Variants in RIC1 observed in about 807,000 individuals in gnomAD.
RIC1 encodes the protein RIC1 partner of RAB6A GEF complex, also known as guanine nucleotide exchange factor subunit RIC1.
A neutral mutation model predicts 169.0 loss-of-function variants in RIC1; 88 were observed. The observed-to-expected ratio is 0.52, with a 90% confidence interval of 0.44 to 0.62. The LOEUF (loss-of-function observed/expected upper bound fraction) is 0.62, where lower values mean the gene tolerates loss of function less well. RIC1 is among the 20% of genes least tolerant of loss of function. The pLI, the probability that RIC1 is intolerant of heterozygous loss-of-function variation, is 0.00. For synonymous variants in RIC1, 790 were observed against 601.5 expected (o/e 1.31, Z -4.59); for missense variants, 1,877 against 1,725.5 (o/e 1.09, Z -1.56).
intron 2 of RIC1, among the ~76,000 whole-genome samples, chr9:5,679,847 G>C (rs1335228194): frequency 6.6e-6 from 1 of 152,226 alleles, no homozygotes; most frequent in East Asian, 1.9e-4. Context: ...TCTCCTGCCT[G>C]ATTGCCCTGG....
At position 5,757,330 on chromosome 9, in the gene RIC1, G is replaced by C. The variant is rs1291636976; in HGVS notation, c.1871G>C (p.Gly624Ala). Residue 624 changes from glycine (G) to alanine (A), a missense_variant, in exon 17 of 26, where the codon GGT (glycine) becomes GCT (alanine). By Grantham distance (60) the Gly-to-Ala change is moderately conservative. Around this residue, in one of 3 missense-constraint regions of RIC1, gnomAD observed 1,104 missense variants for 992.0 expected, o/e 1.11. Coordinates refer to ENST00000414202, the MANE Select transcript of RIC1 (RefSeq NM_020829.4). ...RKSDGPNTTA[G>A]IQVLQEVSMS... is the part of the protein sequence containing the mutation. The stretch of plus-strand genomic sequence containing the variant: ...TTTTACAGTCCAAATACTACTGCTG[G>C]TATTCAAGTTCTTCAGGAGGTTTCC... 1 of 1,614,020 alleles carries C rather than the reference G, an allele frequency of 6.2e-7. No individual in the cohort carries two copies.
intron 6 of RIC1, among the ~76,000 whole-genome samples, chr9:5,731,857 G>C (rs1412769291): frequency 6.6e-6 from 1 of 152,166 alleles, no homozygotes; most frequent in Admixed American, 6.5e-5. Flanking sequence ...AGTGAAAGCA[G>C]TCCTGAGCTG....
At chr9:5,633,374 G>A (rs1817813289) in intron 1 of RIC1, among the ~76,000 whole-genome samples, 1 of 152,086 alleles carries the variant, frequency 6.6e-6, no homozygotes, top group Non-Finnish European at 1.5e-5. Flanking sequence ...AGGGTTCACT[G>A]TTGATGAAAG....
chr9:5,629,308 C>T lies in RIC1; in HGVS notation c.-2C>T, dbSNP rs1817600177. ...GGGGGCGCCGGGGGCTCCGCACGGA[C>T]CATGTATTTTCTGAGCGGCTGGCCC... On this transcript the variant is annotated 5_prime_UTR_variant, in exon 1 of 26. Coordinates refer to ENST00000414202, the MANE Select transcript of RIC1 (RefSeq NM_020829.4). 1.3e-6 allele frequency: 2 copies of T among 1,520,078 alleles called. No individual in the cohort carries two copies. The highest frequency in any genetic ancestry group is 1.8e-6 in the Non-Finnish European group (2 of 1,140,494). The allele number at this position is 1,520,078 out of a possible 1,614,324, so 94.2% of individuals were successfully genotyped here.
At position 5,765,489 on chromosome 9, in the gene RIC1, G is replaced by A. The variant is rs1450328839; in HGVS notation, c.2917G>A (p.Asp973Asn). 3 of 1,614,034 alleles carry A rather than the reference G, an allele frequency of 1.9e-6. No individual in the cohort carries two copies. The highest frequency in any genetic ancestry group is 2.5e-6 in the Non-Finnish European group (3 of 1,180,010). ...CACAGCACTAGAACAAGGCAAGTGG[G>A]ACCTTTGTCGACACATGATTCGATT... Reference protein sequence around the residue: ...FNTALEQGKWDLCRHMIRFLK... With the variant: ...FNTALEQGKWNLCRHMIRFLK... The change falls in exon 20 of 26, where the codon GAC becomes AAC. Residue 973 changes from aspartate (D) to asparagine (N), a missense_variant. Asp to Asn is a conservative substitution (Grantham distance 23). Coordinates refer to ENST00000414202, the MANE Select transcript of RIC1 (RefSeq NM_020829.4).
At chr9:5,636,970 T>G (rs570991575) in intron 1 of RIC1, among the ~76,000 whole-genome samples, 1 of 152,350 alleles carries the variant, frequency 6.6e-6, no homozygotes, top group Admixed American at 6.5e-5. Flanking sequence ...TTAAGGTATT[T>G]GTCATACGTG....
chr9:5,640,979 G>T (rs1818209647), intron 1 of RIC1, among the ~76,000 whole-genome samples: 1 of 151,846 alleles, frequency 6.6e-6, no homozygotes, highest in South Asian at 2.1e-4. Flanking sequence ...CAGAGATATT[G>T]GAGCTCTATT....
At position 5,738,517 on chromosome 9, in the gene RIC1, C is replaced by A. The variant is rs868662103; in HGVS notation, c.880C>A (p.Leu294Ile). The A allele has an allele frequency of 1.3e-6, 2 of 1,559,928 alleles. No homozygotes were observed. Among genetic ancestry groups the A allele is most frequent in the Non-Finnish European group, 1.8e-6 (2 of 1,142,502 alleles). Residue 294 changes from leucine (L) to isoleucine (I), a missense_variant, in exon 8 of 26, where the codon CTA becomes ATA. By Grantham distance (5) the Leu-to-Ile change is conservative (BLOSUM62 2). Transcript: ENST00000414202. ...CATGCTGCTATCTCATAAATTAGAG[C>A]TAACAGCAAAACAGTATCCTGGTGA... ...GAMLLSHKLELTAKQYPDIWN... is the reference protein window; with the variant it reads ...GAMLLSHKLEITAKQYPDIWN...
At chr9:5,699,265 G>T (rs1280089913) in intron 3 of RIC1, among the ~76,000 whole-genome samples, 1 of 152,144 alleles carries the variant, frequency 6.6e-6, no homozygotes, top group Non-Finnish European at 1.5e-5. Context: ...TCCCAAAGAT[G>T]TACGCTTTGG....
intron 4 of RIC1, among the ~76,000 whole-genome samples, chr9:5,714,521 T>G (rs1823120352): frequency 6.6e-6 from 1 of 152,218 alleles, no homozygotes; most frequent in Non-Finnish European, 1.5e-5. Flanking sequence ...CTTTATTTCT[T>G]TAATTGTTGT....
At chr9:5,696,152 C>T (rs1821891298) in intron 3 of RIC1, among the ~76,000 whole-genome samples, 1 of 152,094 alleles carries the variant, frequency 6.6e-6, no homozygotes, top group African/African-American at 2.4e-5. Context: ...TAGGGGCCCT[C>T]ATGTCCTCCT....
At chr9:5,762,167 G>A (rs542356125) in intron 17 of RIC1, among the ~76,000 whole-genome samples, 21 of 152,218 alleles carry the variant, frequency 1.4e-4, no homozygotes, top group African/African-American at 4.8e-4. Flanking sequence ...TCTCCCACAC[G>A]TGTATGTCTT....
intron 4 of RIC1, among the ~76,000 whole-genome samples, chr9:5,715,580 C>T (rs913243657): frequency 6.6e-6 from 1 of 152,048 alleles, no homozygotes; most frequent in African/African-American, 2.4e-5. Flanking sequence ...TTTTTATAAC[C>T]AATTATTTTC....
intron 7 of RIC1, among the ~76,000 whole-genome samples, chr9:5,732,843 T>G (rs927844948): frequency 6.6e-6 from 1 of 152,192 alleles, no homozygotes; most frequent in Non-Finnish European, 1.5e-5. Context: ...TCATGACGCC[T>G]TCAAATTAGT....
chr9:5,685,826 A>G (rs1238224536), intron 2 of RIC1, among the ~76,000 whole-genome samples: 1 of 137,504 alleles, frequency 7.3e-6, no homozygotes, highest in Non-Finnish European at 1.6e-5. Flanking sequence ...AACTACCATC[A>G]GAGTGAACAG....
At chr9:5,716,523 T>C (rs1012713290) in intron 4 of RIC1, among the ~76,000 whole-genome samples, 1 of 152,086 alleles carries the variant, frequency 6.6e-6, no homozygotes, top group Non-Finnish European at 1.5e-5. Context: ...TGAGGCACAA[T>C]AATTGCTTGA....
At position 5,728,146 on chromosome 9, in the gene RIC1, A is replaced by T. The variant is rs559005913; in HGVS notation, c.721-4242A>T. ...AGCTATACCCTGCCCCCAGAGGTGG[A>T]GTCTACAGAGGCAGGCAGGCCTCCT... On this transcript the variant is annotated intron_variant, in intron 6 of 25. Coordinates refer to ENST00000414202, the MANE Select transcript of RIC1 (RefSeq NM_020829.4). Among the ~76,000 whole-genome samples the T allele has an allele frequency of 2.6e-5, 4 of 152,338 alleles. No homozygotes were observed. The South Asian group carries it at 8.3e-4, about 32-fold the overall frequency.
At chr9:5,677,147 G>A (rs1386346846) in intron 2 of RIC1, among the ~76,000 whole-genome samples, 1 of 152,186 alleles carries the variant, frequency 6.6e-6, no homozygotes, top group Non-Finnish European at 1.5e-5. Flanking sequence ...CGCTAGCAGT[G>A]TATGAGAATT....
chr9:5,722,487 A>G (rs937543617), intron 6 of RIC1, among the ~76,000 whole-genome samples: 1 of 151,472 alleles, frequency 6.6e-6, no homozygotes, highest in African/African-American at 2.4e-5. Flanking sequence ...AACTTTTCTG[A>G]CTTTAATACT....
Sources: allele counts gnomAD v4.1 joint callset (sites outside exome capture counted in the v4.1 genomes callset), GRCh38; gene constraint gnomAD v4.1.1; regional missense constraint gnomAD v4.1.1; transcripts MANE v1.5; gene names NCBI Gene and HGNC (gene_info 2026-07-23, HGNC 2026-07-21).